SUGCT: variants seen among roughly 807,000 people sequenced by gnomAD.
The protein encoded by SUGCT is succinyl-CoA:glutarate CoA-transferase.
In SUGCT, 41 loss-of-function variants were observed where a neutral mutation model predicts 55.0. The ratio of observed to expected loss-of-function variants is 0.74; its 90% confidence interval spans 0.58 to 0.97. The LOEUF (loss-of-function observed/expected upper bound fraction) is 0.97, where lower values mean the gene tolerates loss of function less well. Among genes scored for constraint, SUGCT ranks in the 50% least tolerant of loss-of-function variants. The pLI is 0.00. For missense variants in SUGCT, 568 were observed against 547.8 expected (o/e 1.04, Z -0.37); for synonymous variants, 187 against 200.4 (o/e 0.93, Z 0.56).
the SUGCT span, among the ~76,000 whole-genome samples, chr7:40,925,870 G>A: frequency 4.6e-5 from 7 of 152,126 alleles, no homozygotes; most frequent in Non-Finnish European, 8.8e-5. Context: ...GAGATGGGGG[G>A]ACTGCTTGAG....
chr7:40,663,763 G>C (rs1169657100), intron 12 of SUGCT, among the ~76,000 whole-genome samples: 2 of 152,248 alleles, frequency 1.3e-5, no homozygotes, highest in East Asian at 3.9e-4. Context: ...GTAGAACCTT[G>C]TTCTTCGAAG....
At chr7:40,335,973 G>T (rs924681061) in intron 9 of SUGCT, among the ~76,000 whole-genome samples, 3 of 152,084 alleles carry the variant, frequency 2.0e-5, no homozygotes, top group African/African-American at 7.2e-5. Flanking sequence ...GTTGAATTTT[G>T]TCGAAGGCCT....
intron 1 of SUGCT, among the ~76,000 whole-genome samples, chr7:40,151,874 A>G (rs908882249): frequency 2.0e-5 from 3 of 152,188 alleles, no homozygotes; most frequent in African/African-American, 7.2e-5. Context: ...TTCTAAGGAT[A>G]ACTTGGCAGG....
the SUGCT span, among the ~76,000 whole-genome samples, chr7:40,958,785 C>T: frequency 6.6e-6 from 1 of 152,074 alleles, no homozygotes. Flanking sequence ...CTGGTTTTTC[C>T]TCATCTTCAT....
At position 40,206,803 on chromosome 7, in the gene SUGCT, C is replaced by G. The variant is rs78058911; in HGVS notation, c.484+11743C>G. ...AAGAAAAGAAAATGTACATCTTCAG[C>G]ACGGATGCAAGTTTTTTCCTAATAT... On this transcript the variant is annotated intron_variant, in intron 6 of 13. Transcript: ENST00000335693. Among the ~76,000 whole-genome samples the G allele has an allele frequency of 7.3e-3, 1,114 of 152,278 alleles. 12 individuals are homozygous for G. The highest frequency in any genetic ancestry group is 0.025 in the African/African-American group (1,055 of 41,560).
the SUGCT span, among the ~76,000 whole-genome samples, chr7:40,924,889 A>G: frequency 6.6e-6 from 1 of 152,226 alleles, no homozygotes; most frequent in Non-Finnish European, 1.5e-5. Context: ...TCATGTCATT[A>G]TGTGTAACTA....
chr7:40,926,941 A>C, the SUGCT span, among the ~76,000 whole-genome samples: 11 of 152,350 alleles, frequency 7.2e-5, no homozygotes, highest in African/African-American at 2.4e-4. Context: ...TGATTCATTT[A>C]ATAGAGCTGC....
At chr7:40,480,174 C>A (rs1790949737) in intron 11 of SUGCT, among the ~76,000 whole-genome samples, 1 of 151,900 alleles carries the variant, frequency 6.6e-6, no homozygotes, top group Non-Finnish European at 1.5e-5. Flanking sequence ...GTCTTTAATC[C>A]ATTGTGAGTT....
the SUGCT span, among the ~76,000 whole-genome samples, chr7:41,029,282 C>T: frequency 2.0e-5 from 3 of 152,166 alleles, no homozygotes; most frequent in East Asian, 3.9e-4. Flanking sequence ...AATGGGGCCT[C>T]GGCTATATCC....
chr7:40,536,843 G>C (rs533100753), intron 12 of SUGCT, among the ~76,000 whole-genome samples: 2 of 152,176 alleles, frequency 1.3e-5, no homozygotes, highest in Non-Finnish European at 2.9e-5. Context: ...ATGTGCTACA[G>C]AATCATCTTG....
At position 40,215,109 on chromosome 7, in the gene SUGCT, C is replaced by T. The variant is rs141377423; in HGVS notation, c.484+20049C>T. Among the ~76,000 whole-genome samples, 501 of 152,092 alleles carry T rather than the reference C, an allele frequency of 3.3e-3. 6 individuals carry two copies. The highest frequency in any genetic ancestry group is 0.011 in the African/African-American group (452 of 41,486). ...TAGGGTCTATCAAAATTAAAGATGT[C>T]TCCCTTTTTCTGGGCCACGTTATAC... On this transcript the variant is annotated intron_variant, in intron 6 of 13. Coordinates refer to ENST00000335693, the MANE Select transcript of SUGCT (RefSeq NM_001193313.2).
At chr7:40,887,467 A>G in the SUGCT span, among the ~76,000 whole-genome samples, 3 of 152,204 alleles carry the variant, frequency 2.0e-5, no homozygotes, top group African/African-American at 7.2e-5. Context: ...ATAGAATCAC[A>G]GAGCTCAATA....
the SUGCT span, among the ~76,000 whole-genome samples, chr7:40,872,024 G>A: frequency 6.6e-6 from 1 of 152,162 alleles, no homozygotes; most frequent in African/African-American, 2.4e-5. Context: ...GCATGGAGGG[G>A]AGTGTGGGGG....
intron 9 of SUGCT, among the ~76,000 whole-genome samples, chr7:40,386,867 A>G (rs1785155507): frequency 6.6e-6 from 1 of 152,132 alleles, no homozygotes; most frequent in South Asian, 2.1e-4. Context: ...ATTTACTTGT[A>G]GGTGCCACAG....
chr7:40,855,606 C>T (rs1193507431), intron 13 of SUGCT, among the ~76,000 whole-genome samples: 3 of 151,894 alleles, frequency 2.0e-5, no homozygotes, highest in African/African-American at 7.3e-5. Context: ...TTCTAGTCAT[C>T]CCTGGTTGAT....
the SUGCT span, among the ~76,000 whole-genome samples, chr7:40,989,948 T>C: frequency 6.6e-6 from 1 of 152,226 alleles, no homozygotes; most frequent in Admixed American, 6.5e-5. Context: ...AAGTCATTCA[T>C]GAGGGTTGGA....
intron 9 of SUGCT, among the ~76,000 whole-genome samples, chr7:40,423,653 T>G (rs1299439853): frequency 6.6e-6 from 1 of 152,136 alleles, no homozygotes; most frequent in East Asian, 1.9e-4. Flanking sequence ...ATGGAAACAT[T>G]GACATAAACC....
the SUGCT span, among the ~76,000 whole-genome samples, chr7:40,877,689 A>C: frequency 3.3e-5 from 5 of 152,338 alleles, no homozygotes; most frequent in African/African-American, 1.2e-4. Flanking sequence ...CAATGAATGT[A>C]GGGACTAGAT....
chr7:40,964,481 C>A, the SUGCT span, among the ~76,000 whole-genome samples: 1 of 152,088 alleles, frequency 6.6e-6, no homozygotes, highest in East Asian at 1.9e-4. Flanking sequence ...CAGGCAAGTG[C>A]CTCAAATGTC....
Sources: allele counts gnomAD v4.1 joint callset (sites outside exome capture counted in the v4.1 genomes callset), GRCh38; gene constraint gnomAD v4.1.1; transcripts MANE v1.5; gene names NCBI Gene and HGNC (gene_info 2026-07-23, HGNC 2026-07-21).